Variants in FYN observed in about 807,000 individuals in gnomAD.
FYN encodes FYN proto-oncogene, Src family tyrosine kinase, also known as tyrosine-protein kinase Fyn.
FYN carries 10 observed loss-of-function variants against 70.2 expected under a neutral mutation model. That is an observed-to-expected ratio of 0.14 (90% confidence interval 0.09 to 0.24). The LOEUF (loss-of-function observed/expected upper bound fraction) is 0.24, where lower values mean the gene tolerates loss of function less well. FYN is among the 10% of genes least tolerant of loss of function. FYN has a pLI of 1.00. For synonymous variants in FYN, 236 were observed against 248.6 expected (o/e 0.95, Z 0.48); for missense variants, 319 against 673.1 (o/e 0.47, Z 5.82).
At chr6:111,786,806 T>G (rs1344802227) in intron 2 of FYN, among the ~76,000 whole-genome samples, 1 of 152,250 alleles carries the variant, frequency 6.6e-6, no homozygotes, top group African/African-American at 2.4e-5. Context: ...TGCATTTCTC[T>G]GATGGCCAGT....
chr6:111,818,955 G>A (rs1227357285), intron 2 of FYN, among the ~76,000 whole-genome samples: 1 of 152,112 alleles, frequency 6.6e-6, no homozygotes, highest in Admixed American at 6.5e-5. Context: ...AGACTTGGTG[G>A]CTCTCAAGCT....
At chr6:111,683,165 C>T (rs554251716) in intron 12 of FYN, among the ~76,000 whole-genome samples, 10 of 152,328 alleles carry the variant, frequency 6.6e-5, no homozygotes, top group South Asian at 6.2e-4. Context: ...ACAGACTTCA[C>T]GGGCAAACCC....
chr6:111,803,937 A>G (rs1296541021), intron 2 of FYN, among the ~76,000 whole-genome samples: 1 of 152,158 alleles, frequency 6.6e-6, no homozygotes, highest in African/African-American at 2.4e-5. Flanking sequence ...AATGGAGCAA[A>G]CCACATGAGA....
rs79645115 is a variant in FYN at position 111,669,505 on chromosome 6, G to A, written c.1405+4994C>T. Among the ~76,000 whole-genome samples, 12 of 148,392 alleles carry A rather than the reference G, an allele frequency of 8.1e-5. 1 individual carries two copies. In the East Asian group the frequency reaches 2.2e-3, roughly 27 times the overall value. ...CAGGTCCTGCCAAATCCACAAAACA[G>A]GTGTTCGGTTAAGAGCCAGGGCACA... On this transcript the variant is annotated intron_variant, in intron 13 of 13. Transcript: ENST00000354650.
At chr6:111,852,170 A>G (rs1773703732) in intron 1 of FYN, among the ~76,000 whole-genome samples, 2 of 152,242 alleles carry the variant, frequency 1.3e-5, no homozygotes, top group South Asian at 4.1e-4. Context: ...ATATAACAAA[A>G]TAATCCAAAT....
At chr6:111,754,761 T>C (rs1583409645) in intron 3 of FYN, 1 of 152,234 alleles carries the variant, frequency 6.6e-6, no homozygotes, top group East Asian at 1.9e-4. Flanking sequence ...CCTTAATAGG[T>C]GCCCACTAAA....
chr6:111,757,804 GA>G (rs1802806534), intron 3 of FYN, among the ~76,000 whole-genome samples: 1 of 152,204 alleles, frequency 6.6e-6, no homozygotes, highest in Admixed American at 6.5e-5. Flanking sequence ...AGAACTTCTT[GA>G]TCCAATTGCG....
chr6:111,870,487 C>A (rs1223275518), intron 1 of FYN, among the ~76,000 whole-genome samples: 1 of 152,218 alleles, frequency 6.6e-6, no homozygotes, highest in African/African-American at 2.4e-5. Context: ...GTGTTGAGCA[C>A]ATACCAAAGA....
chr6:111,748,343 T>C (rs1286589610), intron 3 of FYN, among the ~76,000 whole-genome samples: 5 of 152,206 alleles, frequency 3.3e-5, no homozygotes, highest in African/African-American at 9.7e-5. Flanking sequence ...AATGCAGAAC[T>C]TCATGGAATT....
chr6:111,723,948 C>A (rs2128465226), intron 3 of FYN, among the ~76,000 whole-genome samples: 1 of 152,260 alleles, frequency 6.6e-6, no homozygotes, highest in Non-Finnish European at 1.5e-5. Flanking sequence ...TAGTCTTCTG[C>A]AAGTTATCAT....
chr6:111,844,637 A>G (rs1773464933), intron 2 of FYN: 1 of 152,234 alleles, frequency 6.6e-6, no homozygotes, highest in Non-Finnish European at 1.5e-5. Context: ...CCATCCAAGC[A>G]GCATTTCTAC....
At chr6:111,804,686 A>G (rs1360177247) in intron 2 of FYN, among the ~76,000 whole-genome samples, 2 of 152,204 alleles carry the variant, frequency 1.3e-5, no homozygotes, top group Non-Finnish European at 2.9e-5. Flanking sequence ...GGCAGTACTT[A>G]CACCAACAGA....
chr6:111,745,486 C>G (rs192382708), intron 3 of FYN, among the ~76,000 whole-genome samples: 240 of 152,258 alleles, frequency 1.6e-3, no homozygotes, highest in Non-Finnish European at 3.0e-3. Flanking sequence ...TGCAGAACAG[C>G]TCTTACAAAG....
intron 13 of FYN, among the ~76,000 whole-genome samples, chr6:111,671,062 G>A (rs1798243547): frequency 6.6e-6 from 1 of 152,204 alleles, no homozygotes; most frequent in African/African-American, 2.4e-5. Flanking sequence ...AACTGATGGA[G>A]CTCTTCTTTG....
chr6:111,729,993 T>C (rs898389020), intron 3 of FYN, among the ~76,000 whole-genome samples: 12 of 152,286 alleles, frequency 7.9e-5, no homozygotes, highest in African/African-American at 2.9e-4. Context: ...GTATGTAAGT[T>C]GAAACAACTA....
chr6:111,669,452 A>AAAAAG (rs1798164869), intron 13 of FYN, among the ~76,000 whole-genome samples: 1 of 151,288 alleles, frequency 6.6e-6, no homozygotes. Context: ...AAAAAAAAAA[A>AAAAAG]AAAAAAAAGA....
intron 3 of FYN, among the ~76,000 whole-genome samples, chr6:111,744,940 T>C (rs1413109870): frequency 3.9e-5 from 6 of 152,160 alleles, no homozygotes; most frequent in Non-Finnish European, 8.8e-5. Context: ...GCAAAGAATA[T>C]TGTCATGTTC....
intron 13 of FYN, among the ~76,000 whole-genome samples, chr6:111,664,091 C>T (rs1797890315): frequency 6.6e-6 from 1 of 152,178 alleles, no homozygotes; most frequent in Non-Finnish European, 1.5e-5. Context: ...TACATATTGC[C>T]CAGAAAGATT....
In FYN at chr6:111,772,263, G is replaced by A. The variant is rs551816245; in HGVS notation, c.-12+8303C>T. ...AGGAAATGGCTAGAAAACCATCACTGCAAAAATATGAAGGCCCAGGTCATA... is the reference window on the plus strand; with the variant it reads ...AGGAAATGGCTAGAAAACCATCACTACAAAAATATGAAGGCCCAGGTCATA... On this transcript the variant is annotated intron_variant, in intron 3 of 13. Transcript: ENST00000354650. 3.9e-5 allele frequency among the ~76,000 whole-genome samples: 6 copies of A among 152,208 alleles called. No homozygotes were observed. In the South Asian group the frequency reaches 1.2e-3, roughly 32 times the overall value.
Sources: gnomAD v4.1 joint callset for allele counts (sites outside exome capture counted in the v4.1 genomes callset) on GRCh38, gnomAD v4.1.1 for gene constraint, MANE v1.5 for transcripts, NCBI Gene and HGNC (gene_info 2026-07-23, HGNC 2026-07-21) for gene names.